DLG2: variants seen among roughly 807,000 people sequenced by gnomAD.
DLG2 encodes disks large homolog 2.
In DLG2, 45 loss-of-function variants were observed where a neutral mutation model predicts 132.5. The observed-to-expected ratio is 0.34, with a 90% CI of 0.27 to 0.44. The LOEUF is 0.44. Ranked by LOEUF, DLG2 falls within the 20% of genes least tolerant of loss-of-function variation. The pLI is 1.00. For missense variants in DLG2, 1,045 were observed against 1,196.9 expected (o/e 0.87, Z 1.87); for synonymous variants, 424 against 419.6 (o/e 1.01, Z -0.13).
chr11:83,932,308 C>T (rs1052956686), intron 14 of DLG2, among the ~76,000 whole-genome samples: 12 of 151,722 alleles, frequency 7.9e-5, no homozygotes, highest in Middle Eastern at 3.4e-3. Flanking sequence ...AATCTCGGCT[C>T]ACTGCAAACT....
At chr11:83,779,645 C>T (rs1371702924) in intron 18 of DLG2, among the ~76,000 whole-genome samples, 2 of 152,036 alleles carry the variant, frequency 1.3e-5, no homozygotes, top group African/African-American at 2.4e-5. Flanking sequence ...AACAGCTATA[C>T]CAATTTTAAA....
At chr11:84,186,903 A>G (rs917807768) in intron 8 of DLG2, among the ~76,000 whole-genome samples, 4 of 151,988 alleles carry the variant, frequency 2.6e-5, no homozygotes, top group African/African-American at 9.7e-5. Context: ...GCTGGTAGCA[A>G]AGCTGTAAAT....
intron 6 of DLG2, among the ~76,000 whole-genome samples, chr11:85,057,109 T>C (rs2063541148): frequency 6.6e-6 from 1 of 151,732 alleles, no homozygotes; most frequent in African/African-American, 2.4e-5. Flanking sequence ...TTGTAATACA[T>C]ATATTTTTAA....
chr11:83,480,257 G>A (rs967824769), intron 22 of DLG2: 10 of 842,656 alleles, frequency 1.2e-5, no homozygotes, highest in Admixed American at 8.7e-5. Flanking sequence ...CATTTGCTTT[G>A]AATACAGATG....
chr11:85,111,577 A>G, intron 6 of DLG2, 84 bp downstream of exon 6: 2 of 1,114,766 alleles, frequency 1.8e-6, no homozygotes, highest in Non-Finnish European at 2.5e-6. Flanking sequence ...TTCAGAGAGC[A>G]TTCTGGCTCA....
intron 18 of DLG2, among the ~76,000 whole-genome samples, chr11:83,746,587 G>A (rs1262702914): frequency 6.6e-6 from 1 of 151,650 alleles, no homozygotes; most frequent in African/African-American, 2.4e-5. Flanking sequence ...TGGGGTGGGG[G>A]GAGCGGGGAG....
intron 6 of DLG2, among the ~76,000 whole-genome samples, chr11:84,989,207 G>A (rs2056828887): frequency 6.6e-6 from 1 of 151,962 alleles, no homozygotes. Flanking sequence ...ATGGAGTTTC[G>A]CTCTTTTGCC....
chr11:85,429,951 A>T (rs536283579), intron 3 of DLG2, among the ~76,000 whole-genome samples: 2 of 152,332 alleles, frequency 1.3e-5, no homozygotes, highest in Admixed American at 1.3e-4. Flanking sequence ...AAGACTTGGA[A>T]CCAACCCAAA....
rs541508380 is a variant in DLG2 at position 83,958,281 on chromosome 11, T to C, written c.1340+4604A>G. ...CTCCAGACTGATGAGATTATGTCTGTTCAGTAAGTGACAGAGTCAAACTGG... is the reference window on the plus strand; with the variant it reads ...CTCCAGACTGATGAGATTATGTCTGCTCAGTAAGTGACAGAGTCAAACTGG... On this transcript the variant is annotated intron_variant, in intron 14 of 27. Transcript: ENST00000376104. 5.3e-5 allele frequency among the ~76,000 whole-genome samples: 8 copies of C among 152,310 alleles called. No homozygotes were observed. The East Asian group carries it at 1.5e-3, about 29-fold the overall frequency.
chr11:84,228,389 C>G (rs2097038725), intron 8 of DLG2, among the ~76,000 whole-genome samples: 1 of 152,164 alleles, frequency 6.6e-6, no homozygotes, highest in Non-Finnish European at 1.5e-5. Flanking sequence ...TGTTTGGCAG[C>G]TGCTCAATTG....
intron 6 of DLG2, among the ~76,000 whole-genome samples, chr11:84,724,350 C>T (rs2062165254): frequency 6.6e-6 from 1 of 152,136 alleles, no homozygotes; most frequent in African/African-American, 2.4e-5. Flanking sequence ...ATTTGCTCTT[C>T]TATAACACTT....
At chr11:84,663,142 A>C (rs1027741058) in intron 6 of DLG2, among the ~76,000 whole-genome samples, 1 of 152,024 alleles carries the variant, frequency 6.6e-6, no homozygotes, top group Non-Finnish European at 1.5e-5. Context: ...TCAGATATTA[A>C]CTATTCAACT....
At position 83,534,187 on chromosome 11, in the gene DLG2, T is replaced by C. The variant is rs1565679116; in HGVS notation, c.2118-1404A>G. On this transcript the variant is annotated intron_variant, in intron 20 of 27. Coordinates refer to ENST00000376104, the MANE Select transcript of DLG2 (RefSeq NM_001142699.3). ...CAGTCTCCATGTCAGCACTACCTCT[T>C]GATTTCCTTGTGTTTACTTACATTT... Among the ~76,000 whole-genome samples the C allele has an allele frequency of 2.0e-5, 3 of 152,344 alleles. No individual in the cohort carries two copies. In the South Asian group the frequency reaches 6.2e-4, roughly 32 times the overall value.
chr11:85,485,758 G>A (rs1262536681), intron 3 of DLG2, among the ~76,000 whole-genome samples: 3 of 152,162 alleles, frequency 2.0e-5, no homozygotes, highest in African/African-American at 4.8e-5. Flanking sequence ...GAACAGACTA[G>A]AGACTGTACC....
chr11:84,051,145 G>C (rs1431584795), intron 11 of DLG2, among the ~76,000 whole-genome samples: 1 of 151,968 alleles, frequency 6.6e-6, no homozygotes. Context: ...AGAGGATGTG[G>C]AGAAATAGGA....
chr11:85,029,724 T>C (rs1382916804), intron 6 of DLG2, among the ~76,000 whole-genome samples: 1 of 152,172 alleles, frequency 6.6e-6, no homozygotes, highest in Non-Finnish European at 1.5e-5. Context: ...AAACAGACCA[T>C]AGCCTACACT....
chr11:85,165,830 T>C (rs1226317231), intron 4 of DLG2, among the ~76,000 whole-genome samples: 1 of 152,150 alleles, frequency 6.6e-6, no homozygotes, highest in Non-Finnish European at 1.5e-5. Flanking sequence ...GCAACCTCTG[T>C]ATTAATCCTC....
At chr11:83,694,423 C>A (rs1417766368) in intron 18 of DLG2, among the ~76,000 whole-genome samples, 2 of 152,152 alleles carry the variant, frequency 1.3e-5, no homozygotes, top group African/African-American at 4.8e-5. Flanking sequence ...GAACATGATT[C>A]ACAGTCATTC....
chr11:84,472,304 T>C (rs946052531), intron 7 of DLG2, among the ~76,000 whole-genome samples: 2 of 151,960 alleles, frequency 1.3e-5, no homozygotes, highest in African/African-American at 4.8e-5. Context: ...CACTCAAAAA[T>C]TAAGTCAAAA....
Sources: allele counts gnomAD v4.1 joint callset (sites outside exome capture counted in the v4.1 genomes callset), GRCh38; gene constraint gnomAD v4.1.1; transcripts MANE v1.5; gene names NCBI Gene and HGNC (gene_info 2026-07-23, HGNC 2026-07-21).